The following NXPE3 variants were observed in gnomAD, a reference collection of about 807,000 sequenced individuals.
NXPE3 encodes the protein neurexophilin and PC-esterase domain family member 3.
Under a neutral mutation model 46.1 loss-of-function variants are expected in NXPE3, and 26 were observed. The observed-to-expected ratio is 0.56, with a 90% CI of 0.41 to 0.78. NXPE3 has a LOEUF of 0.78. Among genes scored for constraint, NXPE3 ranks in the 30% least tolerant of loss-of-function variants. The pLI is 0.00. For synonymous variants in NXPE3, 272 were observed against 257.9 expected (o/e 1.05, Z -0.52); for missense variants, 620 against 686.0 (o/e 0.90, Z 1.07).
chr3:101,801,609 G>C lies in NXPE3; in HGVS notation c.468G>C (p.Gly156=). 6.2e-7 allele frequency: 1 copy of C among 1,614,166 alleles called. No homozygotes were observed. Among genetic ancestry groups the C allele is most frequent in the Non-Finnish European group, 8.5e-7 (1 of 1,180,024 alleles). ...TTCACTCCCTCAAGCTGCAGGCTGG[G>C]GCTGTGGGCAGGGTGGTGGATTACC... The part of the protein sequence containing the change: ...ARIHSLKLQA[G]AVGRVVDYQN... The change falls in exon 5 of 8, where the codon GGG becomes GGC. Residue 156 remains glycine (G), a synonymous_variant. Transcript: ENST00000273347.
chr3:101,809,396 G>A (rs1010796408), intron 6 of NXPE3, among the ~76,000 whole-genome samples: 1 of 152,150 alleles, frequency 6.6e-6, no homozygotes, highest in African/African-American at 2.4e-5. Context: ...GGCATTCAAA[G>A]ACCCTAAATC....
chr3:101,799,889 C>T (rs999680367), intron 4 of NXPE3, among the ~76,000 whole-genome samples: 4 of 152,012 alleles, frequency 2.6e-5, no homozygotes, highest in Admixed American at 1.3e-4. Flanking sequence ...CCTTTAATGT[C>T]CATGGGATCT....
rs1307517077 is a variant in NXPE3 at position 101,823,188 on chromosome 3, C to CT, written c.*1235dup. Reference sequence around the variant, plus strand: ...GCTCCTAAGTAGACAGATGAAGAAACTAGGGAGGCTTTAGAGAGGAAGACA... The same window carrying CT: ...GCTCCTAAGTAGACAGATGAAGAAACTTAGGGAGGCTTTAGAGAGGAAGACA... On this transcript the variant is annotated 3_prime_UTR_variant, in exon 8 of 8. Transcript: ENST00000273347. 6.6e-6 allele frequency: 1 copy of CT among 151,956 alleles called. No individual in the cohort carries two copies. Among genetic ancestry groups the CT allele is most frequent in the Non-Finnish European group, 1.5e-5 (1 of 67,998 alleles). 9.4% of individuals were successfully genotyped at this position (151,956 alleles called of 1,614,324 possible). A position where few individuals can be genotyped will look rare whatever the true frequency, so the allele number is the denominator to read the frequency against.
rs1024135931 is a variant in NXPE3, at chr3:101,827,171, A to G, written c.*5217A>G. ...TCTTTTTAAGAGTCTAATGATGTGT[A>G]TATCTAATGCCCATTCCAGCTGGAT... is the stretch of plus-strand genomic sequence containing the variant. On this transcript the variant is annotated 3_prime_UTR_variant, in exon 8 of 8. Coordinates refer to ENST00000273347, the MANE Select transcript of NXPE3 (RefSeq NM_145037.4). 6.6e-6 allele frequency: 1 copy of G among 152,216 alleles called. No individual in the cohort carries two copies. The highest frequency in any genetic ancestry group is 2.4e-5 in the African/African-American group (1 of 41,454). 9.4% of individuals were successfully genotyped at this position (152,216 alleles called of 1,614,324 possible).
chr3:101,816,961 A>G lies in NXPE3; in HGVS notation c.1089A>G (p.Thr363=). 6.2e-7 allele frequency: 1 copy of G among 1,614,190 alleles called. No homozygotes were observed. The highest frequency in any genetic ancestry group is 8.5e-7 in the Non-Finnish European group (1 of 1,180,020). The stretch of plus-strand genomic sequence containing the variant: ...TGGTGCATTTATTTGGTGACTCAAC[A>G]ATCAGGCAATGGTTTGAATACCTTA... ...RKVVHLFGDS[T]IRQWFEYLTT... is the part of the protein sequence containing the mutation. Residue 363 remains threonine (T), a synonymous_variant, in exon 7 of 8, where the codon ACA becomes ACG. Coordinates refer to ENST00000273347, the MANE Select transcript of NXPE3 (RefSeq NM_145037.4).
intron 4 of NXPE3, 83 bp from the exon 5 acceptor site, chr3:101,801,152 G>A: frequency 3.6e-6 from 5 of 1,403,174 alleles, no homozygotes; most frequent in Admixed American, 4.5e-5. Flanking sequence ...ACTCACAGAA[G>A]TGTGGGGAGC....
chr3:101,821,660 C>T lies in NXPE3; in HGVS notation c.1386C>T (p.Asn462=). ...AAGTGTACATCCGGCGGCTCAGGAA[C>T]ATCCGTCGAGCAGTGGTTCGGCTCC... ...PLEVYIRRLR[N]IRRAVVRLLD... Residue 462 remains asparagine (N), a synonymous_variant, in exon 8 of 8, where the codon AAC becomes AAT. Transcript: ENST00000273347. 2.5e-6 allele frequency: 4 copies of T among 1,614,234 alleles called. No homozygotes were observed. Among genetic ancestry groups the T allele is most frequent in the African/African-American group, 1.3e-5 (1 of 75,062 alleles).
chr3:101,814,996 T>G (rs193256133), intron 6 of NXPE3, among the ~76,000 whole-genome samples: 1 of 152,222 alleles, frequency 6.6e-6, no homozygotes, highest in East Asian at 1.9e-4. Context: ...CTTCAAAGAG[T>G]TACTGTGAGC....
rs745978528 is a variant in NXPE3 at position 101,824,101 on chromosome 3, T to TA, written c.*2169dup. ...GGGCAACAGGGCAAGACCCTGTCTC[T>TA]AAAAAAAAAAAAAAAAAAAAAAGAG... On this transcript the variant is annotated 3_prime_UTR_variant, in exon 8 of 8. Coordinates refer to ENST00000273347, the MANE Select transcript of NXPE3 (RefSeq NM_145037.4). The TA allele has an allele frequency of 0.024, 2,070 of 85,538 alleles. 48 individuals carry two copies. Among genetic ancestry groups the TA allele is most frequent in the African/African-American group, 0.06 (1,365 of 22,672 alleles). The allele number at this position is 85,538 out of a possible 1,614,324, so 5.3% of individuals were successfully genotyped here.
intron 7 of NXPE3, among the ~76,000 whole-genome samples, chr3:101,818,870 A>T (rs943752128): frequency 7.1e-6 from 1 of 140,942 alleles, no homozygotes; most frequent in Non-Finnish European, 1.5e-5. Flanking sequence ...GGTTCATGTG[A>T]TTCTCCTGCC....
rs1942520067 is a variant in NXPE3, at chr3:101,827,059, TAAA to T, written c.*5109_*5111del. 2 of 152,060 alleles carry T rather than the reference TAAA, an allele frequency of 1.3e-5. No individual in the cohort carries two copies. Among genetic ancestry groups the T allele is most frequent in the African/African-American group, 2.4e-5 (1 of 41,414 alleles). The allele number at this position is 152,060 out of a possible 1,614,324, so 9.4% of individuals were successfully genotyped here. A position where few individuals can be genotyped will look rare whatever the true frequency, so the allele number is the denominator to read the frequency against. ...AATAAATAAATAAATAAATAAAAAA[TAAA>T]AAAGTGTGAACTTAAATATATTTAT... On this transcript the variant is annotated 3_prime_UTR_variant, in exon 8 of 8. Coordinates refer to ENST00000273347, the MANE Select transcript of NXPE3 (RefSeq NM_145037.4).
intron 7 of NXPE3, among the ~76,000 whole-genome samples, chr3:101,819,243 A>G (rs1207140335): frequency 6.6e-6 from 1 of 152,154 alleles, no homozygotes; most frequent in African/African-American, 2.4e-5. Flanking sequence ...TACTTAAGGC[A>G]CTTAAGGGAA....
intron 6 of NXPE3, among the ~76,000 whole-genome samples, chr3:101,807,386 C>G (rs1485500889): frequency 2.6e-5 from 4 of 152,208 alleles, no homozygotes; most frequent in Admixed American, 2.0e-4. Flanking sequence ...GTGGCGCAAT[C>G]TTTACTCACT....
chr3:101,805,039 C>T (rs1941345971), intron 5 of NXPE3, among the ~76,000 whole-genome samples: 1 of 152,108 alleles, frequency 6.6e-6, no homozygotes, highest in Non-Finnish European at 1.5e-5. Context: ...TGTTTTGACA[C>T]ATTTTGCTTT....
At chr3:101,785,998 C>T (rs1940154303) in intron 4 of NXPE3, among the ~76,000 whole-genome samples, 1 of 151,874 alleles carries the variant, frequency 6.6e-6, no homozygotes. Context: ...GTGAAAAGTG[C>T]AAAAAGGAAA....
chr3:101,811,689 A>AATG (rs939430515), intron 6 of NXPE3, among the ~76,000 whole-genome samples: 1 of 151,672 alleles, frequency 6.6e-6, no homozygotes, highest in African/African-American at 2.4e-5. Context: ...AGGTATGGCC[A>AATG]ATGATGTCTT....
Position 101,822,074 on chromosome 3 carries a change from C to T in NXPE3, c.*120C>T, listed in dbSNP as rs182037556. 3.4e-3 allele frequency: 2,879 copies of T among 842,984 alleles called. 7 individuals are homozygous for T. The highest frequency in any genetic ancestry group is 4.8e-3 in the Non-Finnish European group (2,624 of 544,504). The allele number at this position is 842,984 out of a possible 1,614,324, so 52.2% of individuals were successfully genotyped here. ...AATAAGTATAAAATTTCAAAAAGAT[C>T]TGGACTTAATATGATGACTTATAAG... On this transcript the variant is annotated 3_prime_UTR_variant, in exon 8 of 8. Transcript: ENST00000273347.
intron 7 of NXPE3, among the ~76,000 whole-genome samples, chr3:101,818,715 TTATATA>T (rs61602305): frequency 0.094 from 3,561 of 37,742 alleles, 227 homozygotes; most frequent in Admixed American, 0.12. Context: ...ATATGACAAT[TTATATA>T]TATATATATA....
intron 4 of NXPE3, among the ~76,000 whole-genome samples, chr3:101,800,254 A>G (rs1361821827): frequency 6.6e-6 from 1 of 151,996 alleles, no homozygotes; most frequent in African/African-American, 2.4e-5. Flanking sequence ...AATGAATTAT[A>G]TTTTCACCTT....
Sources: allele counts gnomAD v4.1 joint callset (sites outside exome capture counted in the v4.1 genomes callset), GRCh38; gene constraint gnomAD v4.1.1; transcripts MANE v1.5; gene names NCBI Gene and HGNC (gene_info 2026-07-23, HGNC 2026-07-21).